Variants in SVEP1 observed in about 807,000 individuals in gnomAD.
SVEP1 encodes the protein sushi, von Willebrand factor type A, EGF and pentraxin domain containing 1.
A neutral mutation model predicts 367.3 loss-of-function variants in SVEP1; 164 were observed. That is an observed-to-expected ratio of 0.45 (90% CI 0.39 to 0.51). SVEP1 has a LOEUF of 0.51. Among genes scored for constraint, SVEP1 ranks in the 20% least tolerant of loss-of-function variants. The pLI is 0.00. For synonymous variants in SVEP1, 1,666 were observed against 1,611.6 expected, an observed-to-expected ratio of 1.03 and a Z score of -0.81; for missense variants, 4,117 against 4,425.3, an observed-to-expected ratio of 0.93 and a Z score of 1.98.
intron 5 of SVEP1, among the ~76,000 whole-genome samples, chr9:110,511,488 CTTTTT>C (rs199993986): frequency 6.1e-4 from 47 of 77,464 alleles, no homozygotes; most frequent in African/African-American, 1.1e-3. Context: ...GTGTCAGTAC[CTTTTT>C]TTTTTTTTTT....
In SVEP1 at chr9:110,424,799, C is replaced by T. The variant is rs182285710; in HGVS notation, c.5975+2792G>A. Among the ~76,000 whole-genome samples the T allele has an allele frequency of 3.5e-4, 54 of 152,232 alleles. No homozygotes were observed. In the East Asian group the frequency reaches 9.5e-3, roughly 27 times the overall value. ...AAGCAAGTCTCCCGCCTCAGCCTCC[C>T]GAGTAGCTGGGATTATAGGCATGCA... is the stretch of plus-strand genomic sequence containing the variant. On this transcript the variant is annotated intron_variant, in intron 36 of 47. Coordinates refer to ENST00000374469, the MANE Select transcript of SVEP1 (RefSeq NM_153366.4).
intron 1 of SVEP1, among the ~76,000 whole-genome samples, chr9:110,567,478 T>C (rs1564178454): frequency 6.6e-6 from 1 of 152,208 alleles, no homozygotes; most frequent in Admixed American, 6.5e-5. Flanking sequence ...AGAGGAAATA[T>C]TGAAAGAGAA....
At chr9:110,526,309 T>A (rs1486975014) in intron 3 of SVEP1, among the ~76,000 whole-genome samples, 3 of 151,974 alleles carry the variant, frequency 2.0e-5, no homozygotes, top group African/African-American at 7.2e-5. Flanking sequence ...GTAGACTATA[T>A]AAAGAACTCT....
chr9:110,524,371 G>C lies in SVEP1; in HGVS notation c.965-10265C>G, dbSNP rs187986138. Among the ~76,000 whole-genome samples the C allele has an allele frequency of 2.4e-3, 361 of 152,022 alleles. 3 individuals carry two copies. The highest frequency in any genetic ancestry group is 8.4e-3 in the African/African-American group (348 of 41,502). On this transcript the variant is annotated intron_variant, in intron 3 of 47. Coordinates refer to ENST00000374469, the MANE Select transcript of SVEP1 (RefSeq NM_153366.4). ...GAGTATAAATAAACAAAAAACTGCA[G>C]AACAACATCTTAGAAATATAGACAC...
Position 110,482,416 on chromosome 9 carries a change from T to A in SVEP1, c.2115A>T (p.Thr705=). The change falls in exon 11 of 48, where the codon ACA becomes ACT. Residue 705 remains threonine, a synonymous_variant. Coordinates refer to ENST00000374469, the MANE Select transcript of SVEP1 (RefSeq NM_153366.4). ...FPQGETIVQY[T]ATDPSGNNRT... is the part of the protein sequence containing the mutation. ...TGTTATTGCCTGAGGGGTCAGTGGC[T>A]GTATACTGTACTATAGTCTCCCCTT... 1.2e-6 allele frequency: 2 copies of A among 1,611,278 alleles called. No individual in the cohort carries two copies. The highest frequency in any genetic ancestry group is 1.1e-5 in the South Asian group (1 of 90,314).
intron 1 of SVEP1, among the ~76,000 whole-genome samples, chr9:110,566,174 T>C (rs1588111413): frequency 6.6e-6 from 1 of 150,650 alleles, no homozygotes; most frequent in Non-Finnish European, 1.5e-5. Flanking sequence ...CAAAAAGAAT[T>C]AGCCAGGTGT....
rs182260622 is a variant in SVEP1 at position 110,403,268 on chromosome 9, C to T, written c.9666+1059G>A. 4.9e-3 allele frequency among the ~76,000 whole-genome samples: 646 copies of T among 132,406 alleles called. 7 individuals are homozygous for T. The highest frequency in any genetic ancestry group is 0.018 in the African/African-American group (609 of 34,220). 86.9% of individuals were successfully genotyped at this position (132,406 alleles called of 152,430 possible). On this transcript the variant is annotated intron_variant, in intron 39 of 47. Coordinates refer to ENST00000374469, the MANE Select transcript of SVEP1 (RefSeq NM_153366.4). ...ATGGGCTAGGAAAGTCTGCTGTCTA[C>T]GGTGATGATTCCTTCCCCGCCACCG...
At chr9:110,383,223 C>T (rs536997524) in intron 43 of SVEP1, among the ~76,000 whole-genome samples, 2 of 151,986 alleles carry the variant, frequency 1.3e-5, no homozygotes, top group East Asian at 3.9e-4. Flanking sequence ...TTTGAGGTTG[C>T]TGACCTTTAG....
chr9:110,542,630 G>A (rs1830165665), intron 3 of SVEP1, among the ~76,000 whole-genome samples: 1 of 152,032 alleles, frequency 6.6e-6, no homozygotes, highest in Non-Finnish European at 1.5e-5. Flanking sequence ...ACTGATTTTT[G>A]CAGTTAGACT....
chr9:110,502,785 A>C (rs1341123225), intron 6 of SVEP1, among the ~76,000 whole-genome samples: 4 of 152,260 alleles, frequency 2.6e-5, no homozygotes, highest in African/African-American at 4.8e-5. Context: ...AACTAAGAAA[A>C]AAGGCATGGT....
Position 110,458,488 on chromosome 9 carries a change from G to T in SVEP1, c.3559C>A (p.His1187Asn). The T allele has an allele frequency of 1.2e-6, 2 of 1,612,552 alleles. No homozygotes were observed. The highest frequency in any genetic ancestry group is 1.7e-6 in the Non-Finnish European group (2 of 1,179,410). ...PASLGHIKKR[H>N]EISSQVFHEC... Reference sequence around the variant, plus strand: ...GAACTTGCCTGACTGCTGATTTCATGCCTCTTTTTAATATGTCCAAGAGAG... The same window carrying T: ...GAACTTGCCTGACTGCTGATTTCATTCCTCTTTTTAATATGTCCAAGAGAG... Residue 1187 changes from histidine (H) to asparagine (N), a missense_variant, in exon 20 of 48, where the codon CAT becomes AAT. His to Asn is a moderately conservative substitution (Grantham distance 68, BLOSUM62 1). Transcript: ENST00000374469.
intron 41 of SVEP1, 105 bp downstream of exon 41, chr9:110,389,419 G>C: frequency 7.3e-7 from 1 of 1,370,362 alleles, no homozygotes; most frequent in Non-Finnish European, 1.0e-6. Flanking sequence ...TATGGAGTTG[G>C]CTTACATTTT....
intron 3 of SVEP1, among the ~76,000 whole-genome samples, chr9:110,514,529 AG>A (rs1404934927): frequency 3.4e-5 from 5 of 147,022 alleles, no homozygotes; most frequent in African/African-American, 2.5e-5. Flanking sequence ...AAAAAAAAAA[AG>A]AAAGAAAGAA....
At chr9:110,528,156 G>GTGTGTTTATATATATA in intron 3 of SVEP1, among the ~76,000 whole-genome samples, 1 of 33,940 alleles carries the variant, frequency 2.9e-5, no homozygotes, top group Admixed American at 4.6e-4. Flanking sequence ...GTGTGTGTGT[G>GTGTGTTTATATATATA]TATATATATA....
chr9:110,515,135 C>T (rs1829783282), intron 3 of SVEP1, among the ~76,000 whole-genome samples: 1 of 152,190 alleles, frequency 6.6e-6, no homozygotes, highest in South Asian at 2.1e-4. Flanking sequence ...TGGAGTTATG[C>T]ATCTGTAAAA....
At chr9:110,425,285 C>T (rs1828235318) in intron 36 of SVEP1, among the ~76,000 whole-genome samples, 1 of 152,060 alleles carries the variant, frequency 6.6e-6, no homozygotes, top group African/African-American at 2.4e-5. Flanking sequence ...ATTGAAATGT[C>T]ATCACTTTAT....
intron 5 of SVEP1, among the ~76,000 whole-genome samples, chr9:110,506,859 G>A (rs1346956980): frequency 2.0e-5 from 3 of 152,036 alleles, no homozygotes; most frequent in Non-Finnish European, 4.4e-5. Context: ...GAGGAGAGGA[G>A]AGGAGAAGAG....
intron 36 of SVEP1, among the ~76,000 whole-genome samples, chr9:110,423,163 T>G (rs796580010): frequency 3.3e-5 from 2 of 59,928 alleles, no homozygotes; most frequent in Non-Finnish European, 6.8e-5. Context: ...AATAAAAAAA[T>G]AAAGTAAAAA....
chr9:110,538,333 T>C (rs1830104632), intron 3 of SVEP1, among the ~76,000 whole-genome samples: 1 of 152,068 alleles, frequency 6.6e-6, no homozygotes, highest in South Asian at 2.1e-4. Flanking sequence ...AAATTCCTTA[T>C]ACCTTACAAA....
Sources: gnomAD v4.1 joint callset for allele counts (sites outside exome capture counted in the v4.1 genomes callset) on GRCh38, gnomAD v4.1.1 for gene constraint, MANE v1.5 for transcripts, NCBI Gene and HGNC (gene_info 2026-07-23, HGNC 2026-07-21) for gene names.